Variants in TIAM1 observed in about 807,000 individuals in gnomAD.
TIAM1 encodes TIAM Rac1 associated GEF 1, also known as rho guanine nucleotide exchange factor TIAM1.
TIAM1 carries 65 observed loss-of-function variants against 163.5 expected under a neutral mutation model. The observed-to-expected ratio is 0.40, with a 90% CI of 0.33 to 0.49. The LOEUF is 0.49. TIAM1 is among the 20% of genes least tolerant of loss of function. The pLI, the probability that TIAM1 is intolerant of heterozygous loss-of-function variation, is 0.77. For missense variants in TIAM1, 1,789 were observed against 2,044.7 expected, an observed-to-expected ratio of 0.87 and a Z score of 2.41; for synonymous variants, 833 against 810.1, an observed-to-expected ratio of 1.03 and a Z score of -0.48.
intron 18 of TIAM1, 80 bp downstream of exon 18, chr21:31,152,986 G>A (rs1286273177): frequency 1.1e-5 from 15 of 1,374,824 alleles, no homozygotes; most frequent in Middle Eastern, 1.8e-4. Flanking sequence ...TCAGTGTTAC[G>A]CATGTCCCCA....
intron 1 of TIAM1, among the ~76,000 whole-genome samples, chr21:31,479,770 G>A (rs566389226): frequency 9.9e-5 from 15 of 152,212 alleles, no homozygotes; most frequent in African/African-American, 3.4e-4. Flanking sequence ...AGTCCTCCAA[G>A]TGGGCTGTTC....
At chr21:31,286,345 C>T (rs1452587686) in intron 2 of TIAM1, among the ~76,000 whole-genome samples, 1 of 152,148 alleles carries the variant, frequency 6.6e-6, no homozygotes, top group Non-Finnish European at 1.5e-5. Context: ...AGGAGGACGA[C>T]TTGGGCCCAG....
intron 1 of TIAM1, among the ~76,000 whole-genome samples, chr21:31,549,672 T>C (rs554140498): frequency 2.0e-5 from 3 of 152,330 alleles, no homozygotes; most frequent in South Asian, 2.1e-4. Context: ...TAACAAGTGT[T>C]GACAAAGATG....
chr21:31,194,796 TC>T (rs1325926770), intron 13 of TIAM1, among the ~76,000 whole-genome samples: 2 of 152,236 alleles, frequency 1.3e-5, no homozygotes, highest in Non-Finnish European at 2.9e-5. Context: ...GTTTTCTTCT[TC>T]CACTGTTCTG....
intron 10 of TIAM1, among the ~76,000 whole-genome samples, chr21:31,210,583 A>AAAGG (rs2086692613): frequency 8.2e-6 from 1 of 122,304 alleles, no homozygotes; most frequent in Non-Finnish European, 1.6e-5. Context: ...AGAAAGAAAG[A>AAAGG]AAGAAAGAAA....
chr21:31,163,464 T>G (rs983416936), intron 16 of TIAM1, among the ~76,000 whole-genome samples: 4 of 152,208 alleles, frequency 2.6e-5, no homozygotes, highest in Non-Finnish European at 5.9e-5. Flanking sequence ...AACAACATAA[T>G]GCCTTTCAGT....
At chr21:31,454,283 G>A (rs2045001703) in intron 2 of TIAM1, among the ~76,000 whole-genome samples, 1 of 152,138 alleles carries the variant, frequency 6.6e-6, no homozygotes, top group Non-Finnish European at 1.5e-5. Context: ...TTACTGAATG[G>A]TTCAAGGCAG....
upstream of TIAM1, among the ~76,000 whole-genome samples, chr21:31,346,254 G>A (rs143802448): frequency 9.9e-5 from 15 of 152,260 alleles, no homozygotes; most frequent in East Asian, 2.9e-3. Context: ...TTTAATTAAT[G>A]TATTCCATCT....
chr21:31,299,701 T>A (rs2074428185), intron 2 of TIAM1, among the ~76,000 whole-genome samples: 1 of 152,170 alleles, frequency 6.6e-6, no homozygotes, highest in African/African-American at 2.4e-5. Flanking sequence ...GCTTGGGGAA[T>A]GGGCTTCAGA....
At chr21:31,552,661 T>C (rs113390749) in intron 1 of TIAM1, among the ~76,000 whole-genome samples, 4,332 of 152,014 alleles carry the variant, frequency 0.028, 217 homozygotes, top group African/African-American at 0.099. Flanking sequence ...GTACAGCTAC[T>C]AGGGAGGCTG....
chr21:31,285,189 C>CG (rs2073748489), intron 2 of TIAM1, among the ~76,000 whole-genome samples: 1 of 151,900 alleles, frequency 6.6e-6, no homozygotes, highest in Admixed American at 6.5e-5. Context: ...CCAAGCCACC[C>CG]CCCCAAGCCA....
chr21:31,169,131 T>C (rs2084385448), intron 15 of TIAM1, among the ~76,000 whole-genome samples: 1 of 151,972 alleles, frequency 6.6e-6, no homozygotes, highest in South Asian at 2.1e-4. Context: ...CCATCTCTAC[T>C]AAAAATACAA....
At chr21:31,204,952 G>C (rs903714460) in intron 11 of TIAM1, among the ~76,000 whole-genome samples, 4 of 152,186 alleles carry the variant, frequency 2.6e-5, no homozygotes, top group African/African-American at 9.6e-5. Flanking sequence ...ACATGTCCCA[G>C]TGCACCTGGC....
intron 4 of TIAM1, among the ~76,000 whole-genome samples, chr21:31,256,588 T>TACACACACAC (rs5030999): frequency 0.23 from 29,146 of 127,966 alleles, 4,314 homozygotes; most frequent in South Asian, 0.36. Flanking sequence ...TACCCCTCAC[T>TACACACACAC]ACACACACAC....
chr21:31,136,156 C>A, intron 22 of TIAM1, 115 bp from the exon 23 acceptor site: 1 of 885,318 alleles, frequency 1.1e-6, no homozygotes, highest in South Asian at 1.7e-5. Flanking sequence ...AAATACTGCT[C>A]CTAAAAACAT....
At chr21:31,332,755 C>T (rs2075717000) in intron 2 of TIAM1, among the ~76,000 whole-genome samples, 1 of 151,098 alleles carries the variant, frequency 6.6e-6, no homozygotes, top group African/African-American at 2.4e-5. Context: ...CACATTCACA[C>T]TATGTATGTG....
At chr21:31,501,104 C>A (rs1247412145) in intron 1 of TIAM1, among the ~76,000 whole-genome samples, 1 of 152,082 alleles carries the variant, frequency 6.6e-6, no homozygotes, top group Admixed American at 6.6e-5. Context: ...TCCTCCCTGC[C>A]CCTCTCATAT....
intron 2 of TIAM1, among the ~76,000 whole-genome samples, chr21:31,304,883 G>C (rs1757113255): frequency 6.6e-6 from 1 of 152,000 alleles, no homozygotes; most frequent in African/African-American, 2.4e-5. Flanking sequence ...AGTAGAGATG[G>C]GTTTTCACCA....
chr21:31,239,315 G>C lies in TIAM1; in HGVS notation c.1584+6173C>G, dbSNP rs571049184. 2.2e-4 allele frequency among the ~76,000 whole-genome samples: 33 copies of C among 152,034 alleles called. No homozygotes were observed. In the East Asian group the frequency reaches 6.0e-3, roughly 28 times the overall value. On this transcript the variant is annotated intron_variant, in intron 6 of 27. Transcript: ENST00000541036. Reference sequence around the variant, plus strand: ...TTTTTTTTATTTTTATTTTTTGGTAGAGACAGGGTCTTTCCATGTTGTCTA... The same window carrying C: ...TTTTTTTTATTTTTATTTTTTGGTACAGACAGGGTCTTTCCATGTTGTCTA...
Sources: allele counts gnomAD v4.1 joint callset (sites outside exome capture counted in the v4.1 genomes callset), GRCh38; gene constraint gnomAD v4.1.1; transcripts MANE v1.5; gene names NCBI Gene and HGNC (gene_info 2026-07-23, HGNC 2026-07-21).